FMN2: variants seen among roughly 807,000 people sequenced by gnomAD.
FMN2 encodes the protein formin 2.
A neutral mutation model predicts 142.3 loss-of-function variants in FMN2; 51 were observed. The observed-to-expected ratio is 0.36, with a 90% confidence interval of 0.29 to 0.45. The LOEUF (loss-of-function observed/expected upper bound fraction) is 0.45, where lower values mean the gene tolerates loss of function less well. FMN2 is among the 20% of genes least tolerant of loss of function. The pLI is 1.00. For missense variants in FMN2, 1,936 were observed against 2,122.8 expected (o/e 0.91, Z 1.73); for synonymous variants, 882 against 869.8 (o/e 1.01, Z -0.25).
intron 2 of FMN2, 98 bp from the exon 3 acceptor site, chr1:240,177,823 G>A (rs1664982017): frequency 9.4e-7 from 1 of 1,067,964 alleles, no homozygotes; most frequent in South Asian, 2.6e-5. Context: ...GCATATATAA[G>A]TAATTTACAT....
intron 2 of FMN2, among the ~76,000 whole-genome samples, chr1:240,154,129 A>AAAAAAAAAAAAAAAAAAG (rs3047192): frequency 2.0e-5 from 2 of 102,210 alleles, no homozygotes; most frequent in Non-Finnish European, 3.9e-5. Flanking sequence ...AAAAAAAAAA[A>AAAAAAAAAAAAAAAAAAG]AAGTGTTACT....
At chr1:240,218,182 C>T (rs1003203361) in intron 6 of FMN2, among the ~76,000 whole-genome samples, 1 of 143,966 alleles carries the variant, frequency 6.9e-6, no homozygotes, top group Non-Finnish European at 1.5e-5. Context: ...ACTCAGGAGG[C>T]TGATGCAGGA....
chr1:240,362,646 G>T (rs766600273), intron 14 of FMN2, among the ~76,000 whole-genome samples: 2 of 152,144 alleles, frequency 1.3e-5, no homozygotes, highest in Non-Finnish European at 2.9e-5. Flanking sequence ...TGCTCATGTT[G>T]AAGTCACTGG....
intron 3 of FMN2, 106 bp downstream of exon 3, chr1:240,178,174 G>A (rs1665004098): frequency 1.6e-6 from 2 of 1,259,558 alleles, no homozygotes; most frequent in Non-Finnish European, 2.1e-6. Flanking sequence ...TAATTGCATG[G>A]CATTCAGATA....
chr1:240,166,468 G>A (rs952933120), intron 2 of FMN2, among the ~76,000 whole-genome samples: 2 of 152,006 alleles, frequency 1.3e-5, no homozygotes, highest in Admixed American at 6.6e-5. Flanking sequence ...GACCTCAGGC[G>A]ATCCACCTGC....
At chr1:240,441,947 CAGAGAG>C (rs879696916) in intron 16 of FMN2, among the ~76,000 whole-genome samples, 25 of 151,266 alleles carry the variant, frequency 1.7e-4, no homozygotes, top group Admixed American at 1.1e-3. Context: ...AAGAGAGAGA[CAGAGAG>C]AGAGAGAGAA....
intron 6 of FMN2, among the ~76,000 whole-genome samples, chr1:240,224,923 G>A (rs923001978): frequency 6.6e-6 from 1 of 152,086 alleles, no homozygotes; most frequent in African/African-American, 2.4e-5. Flanking sequence ...GTGGTGAGCT[G>A]GTGAGTTTTA....
intron 2 of FMN2, among the ~76,000 whole-genome samples, chr1:240,160,207 A>G (rs1198119914): frequency 1.3e-5 from 2 of 150,858 alleles, no homozygotes; most frequent in Non-Finnish European, 3.0e-5. Flanking sequence ...AGCTTATTTT[A>G]TGAGGCCAAA....
intron 2 of FMN2, among the ~76,000 whole-genome samples, chr1:240,172,925 T>A (rs1484273862): frequency 6.7e-6 from 1 of 149,802 alleles, no homozygotes; most frequent in Non-Finnish European, 1.5e-5. Flanking sequence ...AGTGGCCCTT[T>A]TTTTTGTTTT....
chr1:240,198,908 C>A (rs1319877273), intron 4 of FMN2, among the ~76,000 whole-genome samples: 1 of 152,042 alleles, frequency 6.6e-6, no homozygotes, highest in Non-Finnish European at 1.5e-5. Flanking sequence ...AGTTTGAGAC[C>A]AGCCTGGCCA....
At chr1:240,105,290 G>T (rs112387976) in intron 1 of FMN2, among the ~76,000 whole-genome samples, 13 of 151,656 alleles carry the variant, frequency 8.6e-5, no homozygotes, top group African/African-American at 2.7e-4. Context: ...TGTATCTTTG[G>T]TAGAGATTGG....
Position 240,253,568 on chromosome 1 carries a change from C to T in FMN2, c.4066-4377C>T, listed in dbSNP as rs149910894. Among the ~76,000 whole-genome samples, 1,294 of 152,078 alleles carry T rather than the reference C, an allele frequency of 8.5e-3. 23 individuals carry two copies. The highest frequency in any genetic ancestry group is 0.029 in the African/African-American group (1,217 of 41,472). ...CACTGAGATTCTTTAATATCATTATCTTGAATTCTTTTTCTGGAACTTCAT... is the reference window on the plus strand; with the variant it reads ...CACTGAGATTCTTTAATATCATTATTTTGAATTCTTTTTCTGGAACTTCAT... On this transcript the variant is annotated intron_variant, in intron 6 of 17. Coordinates refer to ENST00000319653, the MANE Select transcript of FMN2 (RefSeq NM_020066.5).
At chr1:240,271,558 T>G (rs369525994) in intron 7 of FMN2, among the ~76,000 whole-genome samples, 1 of 152,050 alleles carries the variant, frequency 6.6e-6, no homozygotes, top group East Asian at 1.9e-4. Context: ...ATTATATTTA[T>G]TGAGACATTA....
intron 1 of FMN2, among the ~76,000 whole-genome samples, chr1:240,099,755 C>T (rs943088778): frequency 2.0e-5 from 3 of 152,116 alleles, no homozygotes; most frequent in Non-Finnish European, 4.4e-5. Flanking sequence ...CCAGCCAGAC[C>T]TTACTGGCTG....
intron 6 of FMN2, chr1:240,245,201 T>C (rs1668037545): frequency 3.7e-6 from 1 of 271,290 alleles, no homozygotes; most frequent in Non-Finnish European, 7.3e-6. Flanking sequence ...AGTCAGAGTT[T>C]GTCATTTTGA....
In FMN2 at chr1:240,310,709, T is replaced by C. The variant is rs570722542; in HGVS notation, c.4215+15826T>C. On this transcript the variant is annotated intron_variant, in intron 8 of 17. Coordinates refer to ENST00000319653, the MANE Select transcript of FMN2 (RefSeq NM_020066.5). Reference sequence around the variant, plus strand: ...TCTATTGCTTCTGAATCTTGAAATATACTCCTTATATGGCAAAGTGAGCTT... The same window carrying C: ...TCTATTGCTTCTGAATCTTGAAATACACTCCTTATATGGCAAAGTGAGCTT... 4.8e-3 allele frequency among the ~76,000 whole-genome samples: 728 copies of C among 152,326 alleles called. 8 individuals are homozygous for C. The highest frequency in any genetic ancestry group is 0.016 in the African/African-American group (683 of 41,560).
At chr1:240,190,328 C>T (rs923246078) in intron 4 of FMN2, among the ~76,000 whole-genome samples, 4 of 152,196 alleles carry the variant, frequency 2.6e-5, no homozygotes, top group South Asian at 4.2e-4. Flanking sequence ...TTTAAGCACC[C>T]GACAATGACA....
At chr1:240,286,245 G>T (rs944613516) in intron 7 of FMN2, among the ~76,000 whole-genome samples, 7 of 152,134 alleles carry the variant, frequency 4.6e-5, no homozygotes, top group African/African-American at 1.7e-4. Context: ...TATTCAACAT[G>T]CAGTACTCCA....
At chr1:240,378,689 A>G (rs1673129763) in intron 14 of FMN2, among the ~76,000 whole-genome samples, 2 of 152,050 alleles carry the variant, frequency 1.3e-5, no homozygotes, top group African/African-American at 4.8e-5. Flanking sequence ...ATAGATCCAA[A>G]TTTTACATCT....
Sources: gnomAD v4.1 joint callset for allele counts (sites outside exome capture counted in the v4.1 genomes callset) on GRCh38, gnomAD v4.1.1 for gene constraint, MANE v1.5 for transcripts, NCBI Gene and HGNC (gene_info 2026-07-23, HGNC 2026-07-21) for gene names.